Variants in CIB1 observed in about 807,000 individuals in gnomAD.
CIB1 encodes calcium and integrin binding 1.
In CIB1, 19 loss-of-function variants were observed where a neutral mutation model predicts 25.0. The ratio of observed to expected loss-of-function variants is 0.76; its 90% CI spans 0.53 to 1.12. CIB1 has a LOEUF of 1.12. CIB1 is among the 50% of genes most tolerant of loss of function. The probability of loss-of-function intolerance (pLI) is 0.00; values close to 1 mark genes in which losing one functional copy is unlikely to be tolerated. For missense variants in CIB1, 236 were observed against 242.6 expected, an observed-to-expected ratio of 0.97 and a Z score of 0.18; for synonymous variants, 104 against 98.5, an observed-to-expected ratio of 1.06 and a Z score of -0.33.
At chr15:90,240,369 C>CT in the CIB1 span, among the ~76,000 whole-genome samples, 1 of 140,176 alleles carries the variant, frequency 7.1e-6, no homozygotes, top group Non-Finnish European at 1.5e-5. Context: ...TTAGCCGGGC[C>CT]TGGTGGCGGG....
upstream of CIB1, among the ~76,000 whole-genome samples, chr15:90,238,721 T>C (rs1401690431): frequency 6.6e-6 from 1 of 152,162 alleles, no homozygotes; most frequent in African/African-American, 2.4e-5. Flanking sequence ...CACCCAAATG[T>C]TTCTATGCAT....
At chr15:90,265,147 A>C in the CIB1 span, 1 of 1,236,522 alleles carries the variant, frequency 8.1e-7, no homozygotes, top group Non-Finnish European at 1.1e-6. Flanking sequence ...CCTAAGATTA[A>C]TTGGGGATCG....
the CIB1 span, chr15:90,253,495 C>T: frequency 2.5e-5 from 13 of 528,888 alleles, no homozygotes; most frequent in Middle Eastern, 2.9e-4. Flanking sequence ...AGAAAGACCA[C>T]CCCCAGGGTC....
chr15:90,234,075 A>G (rs1250228263), upstream of CIB1: 4 of 625,894 alleles, frequency 6.4e-6, no homozygotes, highest in Non-Finnish European at 1.0e-5. Flanking sequence ...TGCCGGCTCC[A>G]AGCGGTCCTA....
the CIB1 span, among the ~76,000 whole-genome samples, chr15:90,264,230 C>T: frequency 6.6e-6 from 1 of 152,214 alleles, no homozygotes; most frequent in South Asian, 2.1e-4. Flanking sequence ...CACGCTCTGT[C>T]GCCAAGGCTG....
the CIB1 span, chr15:90,241,748 G>C: frequency 6.2e-7 from 1 of 1,614,258 alleles, no homozygotes; most frequent in South Asian, 1.1e-5. Context: ...CTGATTATCT[G>C]ACTGACCATG....
the CIB1 span, chr15:90,258,017 T>G: frequency 6.2e-7 from 1 of 1,611,216 alleles, no homozygotes; most frequent in Non-Finnish European, 8.5e-7. Context: ...CTGGCCTTCC[T>G]CTGAGCACTG....
At chr15:90,259,884 G>A in the CIB1 span, among the ~76,000 whole-genome samples, 2 of 152,198 alleles carry the variant, frequency 1.3e-5, no homozygotes, top group African/African-American at 4.8e-5. Context: ...ATTTGTTAAT[G>A]ATACATACAA....
At chr15:90,243,954 T>C in the CIB1 span, 1 of 151,644 alleles carries the variant, frequency 6.6e-6, no homozygotes, top group Non-Finnish European at 1.5e-5. Flanking sequence ...TTTTTTTTTT[T>C]TTTTCTTGAA....
chr15:90,242,471 C>A, the CIB1 span: 1 of 103,196 alleles, frequency 9.7e-6, no homozygotes, highest in Non-Finnish European at 1.8e-5. Flanking sequence ...TTGAGATAGT[C>A]TCGCTCTGTC....
the CIB1 span, chr15:90,240,958 A>G: frequency 2.5e-6 from 4 of 1,614,126 alleles, no homozygotes; most frequent in Middle Eastern, 1.6e-4. Flanking sequence ...CTGCCTCCCA[A>G]CAATGAGGAC....
the CIB1 span, among the ~76,000 whole-genome samples, chr15:90,264,472 A>G: frequency 7.2e-5 from 11 of 152,182 alleles, no homozygotes; most frequent in Non-Finnish European, 1.5e-5. Flanking sequence ...CACCAGGCCT[A>G]TTTAATCCTT....
chr15:90,259,786 C>T, the CIB1 span, among the ~76,000 whole-genome samples: 87 of 152,292 alleles, frequency 5.7e-4, 3 homozygotes, highest in African/African-American at 2.0e-3. Flanking sequence ...AATAGAGAAT[C>T]GTTTACATCC....
chr15:90,234,820 T>C (rs1962598177), upstream of CIB1, among the ~76,000 whole-genome samples: 2 of 152,188 alleles, frequency 1.3e-5, no homozygotes, highest in Admixed American at 1.3e-4. Flanking sequence ...TAGGATAATG[T>C]TTGGCACATA....
the CIB1 span, among the ~76,000 whole-genome samples, chr15:90,240,718 C>T: frequency 1.3e-5 from 2 of 151,670 alleles, no homozygotes; most frequent in African/African-American, 4.8e-5. Flanking sequence ...GAGGCTGAGG[C>T]GGGAGAACCG....
chr15:90,263,665 TCAG>T, the CIB1 span: 1 of 605,622 alleles, frequency 1.7e-6, no homozygotes, highest in Non-Finnish European at 2.9e-6. Context: ...GAGATTTTTT[TCAG>T]TTACCTCCTT....
At chr15:90,258,360 A>T in the CIB1 span, 1 of 1,108,880 alleles carries the variant, frequency 9.0e-7, no homozygotes, top group Non-Finnish European at 1.4e-6. Flanking sequence ...AGGTGGTGGA[A>T]CACAGAATGG....
At chr15:90,262,411 C>A in the CIB1 span, 1 of 1,379,562 alleles carries the variant, frequency 7.2e-7, no homozygotes, top group South Asian at 1.5e-5. Context: ...ATTTCCTGCT[C>A]TTTCCTCATC....
the CIB1 span, chr15:90,241,968 G>A: frequency 6.2e-6 from 10 of 1,614,192 alleles, no homozygotes; most frequent in African/African-American, 1.3e-4. Flanking sequence ...GACAGAGGCA[G>A]CTGCTGTGGC....
Sources: allele counts gnomAD v4.1 joint callset (sites outside exome capture counted in the v4.1 genomes callset), GRCh38; gene constraint gnomAD v4.1.1; transcripts MANE v1.5; gene names NCBI Gene and HGNC (gene_info 2026-07-23, HGNC 2026-07-21).